The following DENND6A variants were observed in gnomAD, a reference collection of about 807,000 sequenced individuals.
DENND6A encodes DENN domain containing 6A.
In DENND6A, 43 loss-of-function variants were observed where a neutral mutation model predicts 95.5. The observed-to-expected ratio is 0.45, with a 90% CI of 0.35 to 0.58. DENND6A has a LOEUF of 0.58. Among genes scored for constraint, DENND6A ranks in the 20% least tolerant of loss-of-function variants. The pLI, the probability that DENND6A is intolerant of heterozygous loss-of-function variation, is 0.00. For missense variants in DENND6A, 574 were observed against 736.0 expected, an observed-to-expected ratio of 0.78 and a Z score of 2.55; for synonymous variants, 257 against 260.4, an observed-to-expected ratio of 0.99 and a Z score of 0.13.
chr3:57,628,081 T>G lies in DENND6A; in HGVS notation c.*133A>C. ...AGGTCTGTTTATACAATACAGTCTT[T>G]CTACCCTGTAACTAGCATTCATGGC... On this transcript the variant is annotated 3_prime_UTR_variant, in exon 20 of 20. Coordinates refer to ENST00000311128, the MANE Select transcript of DENND6A (RefSeq NM_152678.3). 1 of 1,315,412 alleles carries G rather than the reference T, an allele frequency of 7.6e-7. No individual in the cohort carries two copies. The highest frequency in any genetic ancestry group is 1.0e-6 in the Non-Finnish European group (1 of 966,576). The allele number at this position is 1,315,412 out of a possible 1,614,324, so 81.5% of individuals were successfully genotyped here.
At chr3:57,630,589 C>G in intron 17 of DENND6A, 66 bp from the exon 18 acceptor site, 1 of 1,527,856 alleles carries the variant, frequency 6.5e-7, no homozygotes, top group South Asian at 1.2e-5. Flanking sequence ...CAATACCTTT[C>G]CTAGTCAGAG....
At chr3:57,680,735 T>A (rs1264808118) in intron 1 of DENND6A, among the ~76,000 whole-genome samples, 1 of 152,138 alleles carries the variant, frequency 6.6e-6, no homozygotes, top group Non-Finnish European at 1.5e-5. Context: ...AATTTTCAAA[T>A]GGGCACAAAT....
chr3:57,664,532 G>T (rs1226064659), intron 4 of DENND6A, among the ~76,000 whole-genome samples: 1 of 152,052 alleles, frequency 6.6e-6, no homozygotes, highest in Non-Finnish European at 1.5e-5. Context: ...ATTTAGGAGG[G>T]ATAAGAAAGG....
At position 57,651,177 on chromosome 3, in the gene DENND6A, T is replaced by G. The variant is rs563483769; in HGVS notation, c.819-4739A>C. On this transcript the variant is annotated intron_variant, in intron 9 of 19. Transcript: ENST00000311128. ...CGACTTACAATTTTTAACTTTATGA[T>G]GTTGCAAAAGCAGTACGCATTCAGT... Among the ~76,000 whole-genome samples, 12 of 152,344 alleles carry G rather than the reference T, an allele frequency of 7.9e-5. No individual in the cohort carries two copies. In the South Asian group the frequency reaches 2.1e-3, roughly 26 times the overall value.
intron 1 of DENND6A, among the ~76,000 whole-genome samples, chr3:57,685,205 G>T (rs954148737): frequency 2.0e-5 from 3 of 151,704 alleles, no homozygotes; most frequent in African/African-American, 7.3e-5. Context: ...TTACAGGCGT[G>T]AGCCACCACG....
intron 12 of DENND6A, among the ~76,000 whole-genome samples, chr3:57,635,931 T>G (rs1429808849): frequency 6.6e-6 from 1 of 152,160 alleles, no homozygotes; most frequent in African/African-American, 2.4e-5. Context: ...ATGAAGACTT[T>G]TATGATGATC....
At chr3:57,629,500 C>T (rs1215004094) in intron 18 of DENND6A, among the ~76,000 whole-genome samples, 5 of 146,436 alleles carry the variant, frequency 3.4e-5, no homozygotes, top group Admixed American at 1.4e-4. Flanking sequence ...AAAAAAAAAT[C>T]AGTCCGCTTT....
intron 1 of DENND6A, among the ~76,000 whole-genome samples, chr3:57,673,148 A>G (rs1330262632): frequency 7.6e-6 from 1 of 131,504 alleles, no homozygotes; most frequent in Admixed American, 9.7e-5. Context: ...CAGGAGACGG[A>G]GGTTGCAGTG....
chr3:57,637,552 A>G (rs1575817886), intron 12 of DENND6A, among the ~76,000 whole-genome samples: 1 of 151,836 alleles, frequency 6.6e-6, no homozygotes. Flanking sequence ...TCCTTGTAGA[A>G]CTCACAGTCT....
intron 9 of DENND6A, among the ~76,000 whole-genome samples, chr3:57,656,144 T>TC (rs1043834746): frequency 1.1e-4 from 17 of 152,204 alleles, no homozygotes; most frequent in Admixed American, 3.9e-4. Context: ...CTAGAATAGT[T>TC]CCATCACCTC....
chr3:57,657,352 A>G (rs2071347018), intron 9 of DENND6A, among the ~76,000 whole-genome samples: 1 of 152,214 alleles, frequency 6.6e-6, no homozygotes, highest in African/African-American at 2.4e-5. Flanking sequence ...ATTTTAAAAT[A>G]GAACACAAAC....
intron 1 of DENND6A, among the ~76,000 whole-genome samples, chr3:57,681,558 A>G (rs1410040979): frequency 6.6e-6 from 1 of 151,268 alleles, no homozygotes; most frequent in African/African-American, 2.4e-5. Context: ...CAGGAGGTCA[A>G]TGCTGCAGTG....
chr3:57,668,034 C>G (rs1441385644), intron 3 of DENND6A, among the ~76,000 whole-genome samples: 1 of 152,104 alleles, frequency 6.6e-6, no homozygotes, highest in Admixed American at 6.6e-5. Context: ...CCACTACCTC[C>G]AGCCTGGGCA....
intron 9 of DENND6A, chr3:57,654,724 C>T: frequency 6.1e-6 from 6 of 983,802 alleles, no homozygotes; most frequent in Non-Finnish European, 7.2e-6. Flanking sequence ...ATGGAATAGA[C>T]CTTGACCTAG....
intron 1 of DENND6A, among the ~76,000 whole-genome samples, chr3:57,680,293 T>C (rs1366946702): frequency 6.6e-6 from 1 of 152,266 alleles, no homozygotes; most frequent in African/African-American, 2.4e-5. Flanking sequence ...ATAAATAAAT[T>C]GGATATCATC....
intron 18 of DENND6A, 159 bp downstream of exon 18, chr3:57,630,262 C>A (rs1045805769): frequency 8.8e-6 from 5 of 566,760 alleles, no homozygotes; most frequent in South Asian, 2.9e-5. Flanking sequence ...CTATATAAAG[C>A]CCCTATAATG....
intron 3 of DENND6A, among the ~76,000 whole-genome samples, chr3:57,668,825 A>G (rs1346775996): frequency 6.6e-6 from 1 of 152,230 alleles, no homozygotes; most frequent in Non-Finnish European, 1.5e-5. Flanking sequence ...TTCTACAGCA[A>G]TTAAAGGTTA....
intron 1 of DENND6A, among the ~76,000 whole-genome samples, chr3:57,685,741 A>ATTTT (rs1559833676): frequency 2.0e-5 from 3 of 148,512 alleles, no homozygotes; most frequent in African/African-American, 7.8e-5. Flanking sequence ...TTTTTTTTAA[A>ATTTT]AAAAAATTTG....
chr3:57,653,652 A>T (rs573138819), intron 9 of DENND6A, among the ~76,000 whole-genome samples: 42 of 151,270 alleles, frequency 2.8e-4, no homozygotes, highest in Admixed American at 2.6e-3. Flanking sequence ...AGGCTGAGGC[A>T]GGAGAATTGC....
Sources: allele counts gnomAD v4.1 joint callset (sites outside exome capture counted in the v4.1 genomes callset), GRCh38; gene constraint gnomAD v4.1.1; transcripts MANE v1.5; gene names NCBI Gene and HGNC (gene_info 2026-07-23, HGNC 2026-07-21).